ST8SIA4: variants seen among roughly 807,000 people sequenced by gnomAD.
ST8SIA4 encodes the protein ST8 alpha-N-acetyl-neuraminide alpha-2,8-sialyltransferase 4, also known as CMP-N-acetylneuraminate-poly-alpha-2,8-sialyltransferase.
Under a neutral mutation model 33.9 loss-of-function variants are expected in ST8SIA4, and 15 were observed. The ratio of observed to expected loss-of-function variants is 0.44; its 90% CI spans 0.30 to 0.68. The LOEUF is 0.68. Among genes scored for constraint, ST8SIA4 ranks in the 30% least tolerant of loss-of-function variants. The pLI, the probability that ST8SIA4 is intolerant of heterozygous loss-of-function variation, is 0.10. For synonymous variants in ST8SIA4, 171 were observed against 151.2 expected (o/e 1.13, Z -0.96); for missense variants, 321 against 428.0 (o/e 0.75, Z 2.21).
chr5:100,886,197 A>T, intron 3 of ST8SIA4, 146 bp downstream of exon 3: 1 of 1,434,206 alleles, frequency 7.0e-7, no homozygotes, highest in Non-Finnish European at 9.1e-7. Context: ...GGGTAAATGT[A>T]ATTTAAATGT....
Position 100,806,941 on chromosome 5 carries a change from G to A in ST8SIA4, c.*4906C>T, listed in dbSNP as rs1259610026. ...AAATGGATATAAATGACTGTCACTTGTGAAATACTTTATTCCCTCAACCGC... is the reference window on the plus strand; with the variant it reads ...AAATGGATATAAATGACTGTCACTTATGAAATACTTTATTCCCTCAACCGC... On this transcript the variant is annotated 3_prime_UTR_variant, in exon 5 of 5. Coordinates refer to ENST00000231461, the MANE Select transcript of ST8SIA4 (RefSeq NM_005668.6). 6.6e-6 allele frequency: 1 copy of A among 152,130 alleles called. No individual in the cohort carries two copies. Among genetic ancestry groups the A allele is most frequent in the Admixed American group, 6.5e-5 (1 of 15,278 alleles). The allele number at this position is 152,130 out of a possible 1,614,324, so 9.4% of individuals were successfully genotyped here.
chr5:100,838,393 A>G (rs1751406244), intron 4 of ST8SIA4, among the ~76,000 whole-genome samples: 1 of 152,030 alleles, frequency 6.6e-6, no homozygotes. Context: ...TTCTACAACC[A>G]GAAGAAGGAA....
chr5:100,863,996 T>C (rs1282777834), intron 3 of ST8SIA4, among the ~76,000 whole-genome samples: 1 of 152,184 alleles, frequency 6.6e-6, no homozygotes, highest in Non-Finnish European at 1.5e-5. Flanking sequence ...AAACTAAAAC[T>C]TCACATTTAT....
In ST8SIA4 at chr5:100,811,994, C is replaced by T. The variant is rs745413528; in HGVS notation, c.933G>A (p.Ala311=). 23 of 1,613,904 alleles carry T rather than the reference C, an allele frequency of 1.4e-5. No individual in the cohort carries two copies. Among genetic ancestry groups the T allele is most frequent in the Admixed American group, 1.3e-4 (8 of 59,992 alleles). The change falls in exon 5 of 5, where the codon GCG becomes GCA. Residue 311 remains alanine, a synonymous_variant. Coordinates refer to ENST00000231461, the MANE Select transcript of ST8SIA4 (RefSeq NM_005668.6). The part of the protein sequence containing the change: ...WPFPKDLNGK[A]VKYHYYDDLK... ...AGTCATCATAATAATGATATTTGACCGCTTTTCCATTTAAATCCTTAGGGA... is the reference window on the plus strand; with the variant it reads ...AGTCATCATAATAATGATATTTGACTGCTTTTCCATTTAAATCCTTAGGGA...
chr5:100,850,636 A>G (rs189286697), intron 4 of ST8SIA4, among the ~76,000 whole-genome samples: 111 of 152,160 alleles, frequency 7.3e-4, no homozygotes, highest in African/African-American at 2.6e-3. Flanking sequence ...TAAAATTAAA[A>G]TATCTGAATA....
Position 100,903,207 on chromosome 5 carries a change from C to T in ST8SIA4, c.-252G>A. On this transcript the variant is annotated 5_prime_UTR_variant, in exon 1 of 5. Coordinates refer to ENST00000231461, the MANE Select transcript of ST8SIA4 (RefSeq NM_005668.6). ...GTCGCTCCGCGCCGCCTCCCTGGGG[C>T]TCAGGTTTCTTTTCAGATGAGACAC... The T allele has an allele frequency of 2.0e-6, 1 of 508,058 alleles. No homozygotes were observed. The highest frequency in any genetic ancestry group is 3.5e-6 in the Non-Finnish European group (1 of 286,178). The allele number at this position is 508,058 out of a possible 1,614,324, so 31.5% of individuals were successfully genotyped here.
intron 1 of ST8SIA4, among the ~76,000 whole-genome samples, chr5:100,899,699 TA>T (rs1218697943): frequency 6.6e-6 from 1 of 152,224 alleles, no homozygotes; most frequent in African/African-American, 2.4e-5. Context: ...TCAAATATAT[TA>T]TCTCATTAAA....
At chr5:100,855,404 T>C (rs1751792545) in intron 4 of ST8SIA4, among the ~76,000 whole-genome samples, 1 of 152,226 alleles carries the variant, frequency 6.6e-6, no homozygotes, top group South Asian at 2.1e-4. Flanking sequence ...CAGCTCTTCA[T>C]TTTTGAAGCT....
intron 3 of ST8SIA4, among the ~76,000 whole-genome samples, chr5:100,874,174 T>G (rs1752256706): frequency 6.6e-6 from 1 of 152,172 alleles, no homozygotes; most frequent in Non-Finnish European, 1.5e-5. Context: ...ATATATGCAA[T>G]CTTTCAAACT....
chr5:100,820,785 A>T (rs1049986681), intron 4 of ST8SIA4, among the ~76,000 whole-genome samples: 15 of 152,184 alleles, frequency 9.9e-5, no homozygotes, highest in African/African-American at 3.6e-4. Flanking sequence ...GAAGAATTTT[A>T]AAAATAAGCA....
chr5:100,857,945 G>C (rs962038868), intron 3 of ST8SIA4, among the ~76,000 whole-genome samples: 3 of 151,870 alleles, frequency 2.0e-5, no homozygotes, highest in South Asian at 4.1e-4. Flanking sequence ...ATATGACAGA[G>C]TATGTATTTG....
intron 2 of ST8SIA4, 29 bp downstream of exon 2, chr5:100,895,625 A>C: frequency 6.3e-7 from 1 of 1,591,534 alleles, no homozygotes; most frequent in Non-Finnish European, 8.6e-7. Flanking sequence ...ATGATGTGAA[A>C]TTTATTATGC....
At position 100,811,505 on chromosome 5, in the gene ST8SIA4, A is replaced by G. The variant is rs10075853; in HGVS notation, c.*342T>C. 0.29 allele frequency: 50,814 copies of G among 174,346 alleles called. 7,834 individuals carry two copies. The highest frequency in any genetic ancestry group is 0.33 in the Non-Finnish European group (27,261 of 81,968). 10.8% of individuals were successfully genotyped at this position (174,346 alleles called of 1,614,324 possible). A position where few individuals can be genotyped will look rare whatever the true frequency, so the allele number is the denominator to read the frequency against. On this transcript the variant is annotated 3_prime_UTR_variant, in exon 5 of 5. Transcript: ENST00000231461. ...GCGTTCCTGGGGTTCCTCTTCTAATATGCTTGGTGTTGCTGTGGGCAGCCT... is the reference window on the plus strand; with the variant it reads ...GCGTTCCTGGGGTTCCTCTTCTAATGTGCTTGGTGTTGCTGTGGGCAGCCT...
intron 4 of ST8SIA4, among the ~76,000 whole-genome samples, chr5:100,849,657 G>A (rs940629138): frequency 6.6e-6 from 1 of 151,612 alleles, no homozygotes; most frequent in Admixed American, 6.6e-5. Flanking sequence ...CGGGCGTGGC[G>A]CCTCATTCCT....
At chr5:100,834,994 T>A (rs530770707) in intron 4 of ST8SIA4, among the ~76,000 whole-genome samples, 1 of 152,292 alleles carries the variant, frequency 6.6e-6, no homozygotes, top group East Asian at 1.9e-4. Context: ...TATTGTTTTT[T>A]TCAAAATGTA....
At chr5:100,850,344 A>G (rs1444179762) in intron 4 of ST8SIA4, among the ~76,000 whole-genome samples, 1 of 151,990 alleles carries the variant, frequency 6.6e-6, no homozygotes, top group Non-Finnish European at 1.5e-5. Context: ...ATTTAATGAG[A>G]GCATAACCTC....
At chr5:100,825,378 T>C (rs1751119831) in intron 4 of ST8SIA4, among the ~76,000 whole-genome samples, 1 of 152,164 alleles carries the variant, frequency 6.6e-6, no homozygotes, top group South Asian at 2.1e-4. Flanking sequence ...ACTTCCTATA[T>C]CAGTGATGTT....
chr5:100,892,991 TAAAGTA>T (rs1412546924), intron 2 of ST8SIA4, among the ~76,000 whole-genome samples: 1 of 151,750 alleles, frequency 6.6e-6, no homozygotes, highest in Non-Finnish European at 1.5e-5. Context: ...TCCTGGAACT[TAAAGTA>T]AAATAAAAAA....
intron 4 of ST8SIA4, among the ~76,000 whole-genome samples, chr5:100,838,705 T>A (rs1232873693): frequency 6.6e-6 from 1 of 152,026 alleles, no homozygotes; most frequent in Non-Finnish European, 1.5e-5. Flanking sequence ...AATCTGAATT[T>A]ATAATGAAAA....
Sources: gnomAD v4.1 joint callset for allele counts (sites outside exome capture counted in the v4.1 genomes callset) on GRCh38, gnomAD v4.1.1 for gene constraint, MANE v1.5 for transcripts, NCBI Gene and HGNC (gene_info 2026-07-23, HGNC 2026-07-21) for gene names.